MARS1: variants seen among roughly 807,000 people sequenced by gnomAD.
MARS1 encodes methionyl-tRNA synthetase 1.
A neutral mutation model predicts 119.5 loss-of-function variants in MARS1; 80 were observed. The observed-to-expected ratio is 0.67, with a 90% CI of 0.56 to 0.81. MARS1 has a LOEUF of 0.81. Among genes scored for constraint, MARS1 ranks in the 30% least tolerant of loss-of-function variants. The probability of loss-of-function intolerance (pLI) is 0.00; values close to 1 mark genes in which losing one functional copy is unlikely to be tolerated. For synonymous variants in MARS1, 418 were observed against 433.4 expected (o/e 0.96, Z 0.44); for missense variants, 945 against 1,116.5 (o/e 0.85, Z 2.19).
At chr12:57,498,749 C>T (rs1876767770) in intron 9 of MARS1, 126 bp downstream of exon 9, 2 of 825,826 alleles carry the variant, frequency 2.4e-6, no homozygotes, top group Non-Finnish European at 4.0e-6. Flanking sequence ...ATCTCAATAT[C>T]ACCCTGGGCA....
intron 10 of MARS1, among the ~76,000 whole-genome samples, chr12:57,501,690 C>T (rs1036747772): frequency 1.3e-5 from 2 of 152,020 alleles, no homozygotes; most frequent in Non-Finnish European, 2.9e-5. Context: ...GGTGTGGTGG[C>T]GGACCCCTGT....
intron 11 of MARS1, among the ~76,000 whole-genome samples, chr12:57,510,816 C>T (rs1282392417): frequency 1.3e-5 from 2 of 151,680 alleles, no homozygotes; most frequent in African/African-American, 4.8e-5. Flanking sequence ...GCCTGTAATT[C>T]CAACTTCCAA....
chr12:57,493,826 ATATTATATAT>A (rs1345856567), intron 7 of MARS1, among the ~76,000 whole-genome samples: 105 of 1,352 alleles, frequency 0.078, 20 homozygotes, highest in African/African-American at 0.091. Flanking sequence ...TATATATATT[ATATTATATAT>A]TATAATATAT....
At chr12:57,494,319 CTTTTTTTTCT>C (rs1565641842) in intron 7 of MARS1, among the ~76,000 whole-genome samples, 2 of 139,686 alleles carry the variant, frequency 1.4e-5, no homozygotes, top group Non-Finnish European at 1.5e-5. Context: ...CTTACTTCTT[CTTTTTTTTCT>C]TTTTTTTTTT....
Position 57,498,496 on chromosome 12 carries a change from G to A in MARS1, c.964G>A (p.Ala322Thr), listed in dbSNP as rs1029037222. The change falls in exon 9 of 21, where the codon GCT becomes ACT. Residue 322 changes from alanine to threonine, a missense_variant. Transcript: ENST00000262027. ...GTATGGTACAGCAACAGAGACCAAG[G>A]CTCTGGAGGAGGGACTAACCCCCCA... The part of the protein sequence containing the change: ...DEYGTATETK[A>T]LEEGLTPQEI... 6.2e-7 allele frequency: 1 copy of A among 1,614,086 alleles called. No individual in the cohort carries two copies. The highest frequency in any genetic ancestry group is 1.3e-5 in the African/African-American group (1 of 74,912).
In MARS1 at chr12:57,488,143, C is replaced by T; in HGVS notation, c.53C>T (p.Ala18Val). 1 of 1,614,184 alleles carries T rather than the reference C, an allele frequency of 6.2e-7. No individual in the cohort carries two copies. The change falls in exon 1 of 21, where the codon GCC (alanine) becomes GTC (valine). Residue 18 changes from alanine (A) to valine (V), a missense_variant. Coordinates refer to ENST00000262027, the MANE Select transcript of MARS1 (RefSeq NM_004990.4). ...CCGGGTTGCTTGCCGGTGCTGGCCG[C>T]CGCCGGGAGAGCCCGGGGCAGAGCA... ...GVPGCLPVLAAAGRARGRAEV... is the reference protein window; with the variant it reads ...GVPGCLPVLAVAGRARGRAEV...
intron 10 of MARS1, among the ~76,000 whole-genome samples, chr12:57,503,534 C>T (rs547089174): frequency 6.6e-6 from 1 of 151,106 alleles, no homozygotes; most frequent in East Asian, 1.9e-4. Context: ...TGCTCAGCCA[C>T]ATTTGTGTCT....
chr12:57,506,130 A>C (rs189431918), intron 11 of MARS1, among the ~76,000 whole-genome samples: 4 of 151,706 alleles, frequency 2.6e-5, no homozygotes, highest in Admixed American at 1.3e-4. Context: ...AGTTGTGAGC[A>C]GCTGTAGTCC....
rs756610489 is a variant in MARS1 at position 57,512,375 on chromosome 12, T to G, written c.1753+22T>G. On this transcript the variant is annotated intron_variant, in intron 14 of 20. Transcript: ENST00000262027. Reference sequence around the variant, plus strand: ...ACAGGTAAGTACCCTGGAAGACTACTGATGGGGTGTTCATAGGAAATGAGG... The same window carrying G: ...ACAGGTAAGTACCCTGGAAGACTACGGATGGGGTGTTCATAGGAAATGAGG... The G allele has an allele frequency of 7.2e-6, 11 of 1,530,114 alleles. No individual in the cohort carries two copies. The South Asian group carries it at 1.2e-4, about 17-fold the overall frequency. The allele number at this position is 1,530,114 out of a possible 1,614,324, so 94.8% of individuals were successfully genotyped here. A position where few individuals can be genotyped will look rare whatever the true frequency, so the allele number is the denominator to read the frequency against.
chr12:57,489,415 G>A lies in MARS1; in HGVS notation c.280-9G>A. 1 of 1,614,192 alleles carries A rather than the reference G, an allele frequency of 6.2e-7. No homozygotes were observed. Among genetic ancestry groups the A allele is most frequent in the South Asian group, 1.1e-5 (1 of 91,088 alleles). On this transcript the variant is annotated splice_polypyrimidine_tract_variant and intron_variant, in intron 3 of 20. Transcript: ENST00000262027. ...GTGGCCATCCTGACTCATGTCCCCT[G>A]CATTTTAGCCAGCTTTGTCTGCTGC...
intron 7 of MARS1, among the ~76,000 whole-genome samples, chr12:57,491,170 C>T (rs1875934471): frequency 6.6e-6 from 1 of 151,516 alleles, no homozygotes; most frequent in African/African-American, 2.4e-5. Context: ...ACTGTGCCGG[C>T]CCTGCACCCA....
chr12:57,515,293 C>T lies in MARS1; in HGVS notation c.2348C>T (p.Thr783Ile), dbSNP rs778646017. The T allele has an allele frequency of 6.2e-7, 1 of 1,613,786 alleles. No individual in the cohort carries two copies. Among genetic ancestry groups the T allele is most frequent in the Admixed American group, 1.7e-5 (1 of 60,030 alleles). Residue 783 changes from threonine (T) to isoleucine (I), a missense_variant, in exon 18 of 21, where the codon ACA becomes ATA. Physicochemically the swap from Thr to Ile is moderately conservative, Grantham distance 89. Transcript: ENST00000262027. Reference sequence around the variant, plus strand: ...CCTCCAGCCTGCAGTATCCTGCTGACAAACTTCCTGTGTACCTTACCAGCA... The same window carrying T: ...CCTCCAGCCTGCAGTATCCTGCTGATAAACTTCCTGTGTACCTTACCAGCA... Reference protein sequence around the residue: ...LPPPACSILLTNFLCTLPAGH... With the variant: ...LPPPACSILLINFLCTLPAGH...
chr12:57,503,512 C>T (rs2943696), intron 10 of MARS1, among the ~76,000 whole-genome samples: 24,417 of 151,264 alleles, frequency 0.16, 2,051 homozygotes, highest in East Asian at 0.26. Context: ...GGATTATAGG[C>T]GTGAGCCACG....
chr12:57,490,780 CTTTTTTTTTTTTTTT>C, intron 7 of MARS1, 136 bp downstream of exon 7: 1 of 255,044 alleles, frequency 3.9e-6, no homozygotes, highest in Non-Finnish European at 6.8e-6. Context: ...TCTTACATCT[CTTTTTTTTTTTTTTT>C]TTTTTTTTAC....
intron 4 of MARS1, 57 bp downstream of exon 4, chr12:57,489,615 G>A (rs1254592642): frequency 6.2e-7 from 1 of 1,607,498 alleles, no homozygotes; most frequent in Non-Finnish European, 8.5e-7. Flanking sequence ...GGATTAAGAG[G>A]GAAGACTGTA....
chr12:57,514,931 T>C, intron 16 of MARS1, 23 bp from the exon 17 acceptor site: 1 of 1,614,090 alleles, frequency 6.2e-7, no homozygotes, highest in Non-Finnish European at 8.5e-7. Flanking sequence ...CATTACACCT[T>C]GGCCTGCTTC....
At chr12:57,507,710 G>A (rs1248587173) in intron 11 of MARS1, among the ~76,000 whole-genome samples, 72 of 86,470 alleles carry the variant, frequency 8.3e-4, no homozygotes, top group Admixed American at 1.1e-3. Context: ...CGGGGGTCTG[G>A]CCCCCCACCT....
intron 11 of MARS1, among the ~76,000 whole-genome samples, chr12:57,508,657 G>A (rs1011931059): frequency 4.6e-5 from 7 of 151,994 alleles, no homozygotes; most frequent in African/African-American, 1.7e-4. Flanking sequence ...CGTGGAAAGA[G>A]AGGGAGAGGG....
Position 57,515,248 on chromosome 12 carries a change from A to T in MARS1, c.2303A>T (p.Gln768Leu). 6.2e-7 allele frequency: 1 copy of T among 1,614,106 alleles called. No individual in the cohort carries two copies. The highest frequency in any genetic ancestry group is 8.5e-7 in the Non-Finnish European group (1 of 1,180,006). Residue 768 changes from glutamine (Q) to leucine (L), a missense_variant, in exon 18 of 21, where the codon CAG becomes CTG. Coordinates refer to ENST00000262027, the MANE Select transcript of MARS1 (RefSeq NM_004990.4). ...PYMPTVSATIQAQLQLPPPAC... is the reference protein window; with the variant it reads ...PYMPTVSATILAQLQLPPPAC... ...ATGCCCACGGTTAGTGCCACAATCCAGGCCCAGCTGCAGCTCCCACCTCCA... is the reference window on the plus strand; with the variant it reads ...ATGCCCACGGTTAGTGCCACAATCCTGGCCCAGCTGCAGCTCCCACCTCCA...
Sources: gnomAD v4.1 joint callset for allele counts (sites outside exome capture counted in the v4.1 genomes callset) on GRCh38, gnomAD v4.1.1 for gene constraint, MANE v1.5 for transcripts, NCBI Gene and HGNC (gene_info 2026-07-23, HGNC 2026-07-21) for gene names.